CCDC7: variants seen among roughly 807,000 people sequenced by gnomAD.
CCDC7 encodes coiled-coil domain-containing protein 7.
Under a neutral mutation model 196.9 loss-of-function variants are expected in CCDC7, and 183 were observed. The observed-to-expected ratio is 0.93, with a 90% confidence interval of 0.82 to 1.05. CCDC7 has a LOEUF of 1.05. Ranked by LOEUF, CCDC7 falls within the 50% of genes least tolerant of loss-of-function variation. CCDC7 has a pLI of 0.00. For synonymous variants in CCDC7, 525 were observed against 484.6 expected (o/e 1.08, Z -1.10); for missense variants, 1,540 against 1,482.2 (o/e 1.04, Z -0.64).
At chr10:32,799,796 A>T (rs926091583) in intron 29 of CCDC7, among the ~76,000 whole-genome samples, 3 of 152,216 alleles carry the variant, frequency 2.0e-5, no homozygotes, top group Non-Finnish European at 4.4e-5. Context: ...GCATAATGTC[A>T]TCAATATAAT....
At chr10:32,743,751 A>G (rs1186999737) in intron 28 of CCDC7, among the ~76,000 whole-genome samples, 1 of 152,126 alleles carries the variant, frequency 6.6e-6, no homozygotes. Flanking sequence ...AATGTCCATC[A>G]GTGATAGACT....
intron 32 of CCDC7, among the ~76,000 whole-genome samples, chr10:32,831,549 TTC>T (rs1388622801): frequency 1.4e-4 from 21 of 152,334 alleles, no homozygotes; most frequent in African/African-American, 2.4e-5. Context: ...CAAAAATATT[TTC>T]TTTTTCTATA....
chr10:32,514,021 T>C (rs975412250), intron 9 of CCDC7: 11 of 152,294 alleles, frequency 7.2e-5, no homozygotes, highest in Admixed American at 1.3e-4. Flanking sequence ...AGTGTCTGCA[T>C]TGGTGAGGAA....
At chr10:32,846,321 C>G (rs567052729) in intron 36 of CCDC7, 55 bp from the exon 38 acceptor site, 935 of 1,037,062 alleles carry the variant, frequency 9.0e-4, no homozygotes, top group Non-Finnish European at 1.2e-3. Flanking sequence ...CACGTATACA[C>G]ATGTATGGTA....
intron 18 of CCDC7, among the ~76,000 whole-genome samples, chr10:32,620,389 CCAGA>C (rs1043227032): frequency 1.8e-4 from 28 of 152,192 alleles, no homozygotes; most frequent in Admixed American, 3.9e-4. Context: ...ACTGATGTTG[CCAGA>C]CAGTTTTGAA....
At position 32,491,913 on chromosome 10, in the gene CCDC7, A is replaced by G. The variant is rs1467505012; in HGVS notation, c.797-9A>G. On this transcript the variant is annotated splice_polypyrimidine_tract_variant and intron_variant, in intron 8 of 41. Transcript: ENST00000639629. ...AAACCTTTAACATTTTTGACTTTTT[A>G]AATAATAGAAACTGCTCATTCAATG... 6.5e-7 allele frequency: 1 copy of G among 1,543,076 alleles called. No individual in the cohort carries two copies. Among genetic ancestry groups the G allele is most frequent in the Non-Finnish European group, 8.7e-7 (1 of 1,152,712 alleles).
chr10:32,771,053 T>C (rs1004372790), intron 28 of CCDC7, among the ~76,000 whole-genome samples: 1 of 152,172 alleles, frequency 6.6e-6, no homozygotes, highest in African/African-American at 2.4e-5. Context: ...ATATTTTAAG[T>C]GGATCATTTA....
In CCDC7 at chr10:32,584,282, C is replaced by G. The variant is rs139762456; in HGVS notation, c.1779C>G (p.Tyr593Ter). 3,248 of 1,597,564 alleles carry G rather than the reference C, an allele frequency of 2.0e-3. 6 individuals carry two copies. Among genetic ancestry groups the G allele is most frequent in the Non-Finnish European group, 2.4e-3 (2,850 of 1,170,272 alleles). ...AAAAGATGACTGAAGAACAAACTTA[C>G]CAAGCAGCAGAAAAATCTCAAGGTA... Residue 593 changes from tyrosine to a stop codon, truncating the protein, a stop_gained, in exon 18 of 42, where the codon TAC becomes TAG. Transcript: ENST00000639629. LOFTEE classifies it high-confidence loss of function.
At chr10:32,625,896 C>T (rs2063975999) in intron 18 of CCDC7, among the ~76,000 whole-genome samples, 1 of 152,010 alleles carries the variant, frequency 6.6e-6, no homozygotes, top group Admixed American at 6.6e-5. Flanking sequence ...TTGCAAGTGA[C>T]AGAATTCCAT....
chr10:32,574,562 C>A, intron 16 of CCDC7: 12 of 1,218,246 alleles, frequency 9.9e-6, no homozygotes, highest in Non-Finnish European at 1.1e-5. Context: ...TTGCTCTTTA[C>A]AACATTTATC....
At chr10:32,501,450 T>C (rs572333099) in intron 9 of CCDC7, among the ~76,000 whole-genome samples, 7 of 152,184 alleles carry the variant, frequency 4.6e-5, no homozygotes, top group Non-Finnish European at 8.8e-5. Context: ...TCCTTTGCAG[T>C]AGAAGAGATG....
At chr10:32,881,457 G>A (rs1393466682), downstream of CCDC7, among the ~76,000 whole-genome samples, 2 of 152,054 alleles carry the variant, frequency 1.3e-5, no homozygotes, top group African/African-American at 4.8e-5. Context: ...CTAAAATTCA[G>A]GGAACTCATA....
chr10:32,641,828 TTGGTG>T (rs2066858610), intron 20 of CCDC7, among the ~76,000 whole-genome samples: 1 of 152,226 alleles, frequency 6.6e-6, no homozygotes, highest in African/African-American at 2.4e-5. Flanking sequence ...AGATGGGGTT[TTGGTG>T]TGGATGTCCT....
intron 18 of CCDC7, among the ~76,000 whole-genome samples, chr10:32,589,829 T>A (rs980263849): frequency 1.3e-5 from 2 of 152,166 alleles, no homozygotes; most frequent in Non-Finnish European, 2.9e-5. Flanking sequence ...TCTTATAGTT[T>A]TTATCTTGAA....
At chr10:32,688,944 C>A (rs2076763954) in intron 22 of CCDC7, 109 bp from the exon 24 acceptor site, 2 of 705,562 alleles carry the variant, frequency 2.8e-6, no homozygotes, top group South Asian at 1.7e-5. Context: ...TTATTCATAA[C>A]TTTACAAAAA....
At chr10:32,722,096 A>G (rs190130269) in intron 25 of CCDC7, among the ~76,000 whole-genome samples, 138 of 152,222 alleles carry the variant, frequency 9.1e-4, no homozygotes, top group Non-Finnish European at 1.5e-3. Flanking sequence ...CAGAAATGAA[A>G]TAGTTATATC....
At chr10:32,739,365 G>C (rs1021084728) in intron 28 of CCDC7, among the ~76,000 whole-genome samples, 1 of 151,684 alleles carries the variant, frequency 6.6e-6, no homozygotes, top group Non-Finnish European at 1.5e-5. Flanking sequence ...CTAATGACAC[G>C]TTTTCAAGCT....
chr10:32,799,402 A>C (rs907638956), intron 29 of CCDC7, among the ~76,000 whole-genome samples: 1 of 152,160 alleles, frequency 6.6e-6, no homozygotes, highest in Non-Finnish European at 1.5e-5. Context: ...AGCAGCTTGC[A>C]TAGCACCCTG....
At chr10:32,552,022 T>C (rs1358251609) in intron 13 of CCDC7, among the ~76,000 whole-genome samples, 2 of 152,236 alleles carry the variant, frequency 1.3e-5, no homozygotes, top group African/African-American at 2.4e-5. Flanking sequence ...TATTACTGTG[T>C]TGCTGTCTAT....
Sources: gnomAD v4.1 joint callset for allele counts (sites outside exome capture counted in the v4.1 genomes callset) on GRCh38, gnomAD v4.1.1 for gene constraint, MANE v1.5 for transcripts, NCBI Gene and HGNC (gene_info 2026-07-23, HGNC 2026-07-21) for gene names.